Variants in SCAF11 observed in about 807,000 individuals in gnomAD.
The protein encoded by SCAF11 is SR-related CTD associated factor 11.
Under a neutral mutation model 140.5 loss-of-function variants are expected in SCAF11, and 47 were observed. The ratio of observed to expected loss-of-function variants is 0.33; its 90% CI spans 0.26 to 0.43. The LOEUF (loss-of-function observed/expected upper bound fraction) is 0.43, where lower values mean the gene tolerates loss of function less well. SCAF11 is among the 20% of genes least tolerant of loss of function. The pLI is 1.00. For missense variants in SCAF11, 1,645 were observed against 1,705.1 expected, an observed-to-expected ratio of 0.96 and a Z score of 0.62; for synonymous variants, 557 against 579.4, an observed-to-expected ratio of 0.96 and a Z score of 0.55.
chr12:45,957,866 C>A (rs10506264), intron 3 of SCAF11, among the ~76,000 whole-genome samples: 1 of 151,896 alleles, frequency 6.6e-6, no homozygotes. Flanking sequence ...AATCACTTCT[C>A]GGCAACTGTG....
chr12:45,959,344 C>T (rs1300284447), intron 3 of SCAF11, among the ~76,000 whole-genome samples: 1 of 151,934 alleles, frequency 6.6e-6, no homozygotes, highest in African/African-American at 2.4e-5. Context: ...ATTTTAACGT[C>T]AGGCTATCCC....
At position 45,934,399 on chromosome 12, in the gene SCAF11, C is replaced by G. The variant is rs769735409; in HGVS notation, c.522+48G>C. 7 of 1,474,636 alleles carry G rather than the reference C, an allele frequency of 4.7e-6. No homozygotes were observed. The African/African-American group carries it at 5.7e-5, about 12-fold the overall frequency. The allele number at this position is 1,474,636 out of a possible 1,614,324, so 91.3% of individuals were successfully genotyped here. ...CTGGTTATTTATGGACTAAATAACC[C>G]TAAAGTGTTATCATCTAAGAAAAAG... On this transcript the variant is annotated intron_variant, in intron 7 of 14. Coordinates refer to ENST00000369367, the MANE Select transcript of SCAF11 (RefSeq NM_004719.3).
chr12:45,931,675 A>T (rs1420779446), intron 9 of SCAF11, 63 bp from the exon 10 acceptor site: 5 of 830,268 alleles, frequency 6.0e-6, no homozygotes, highest in Non-Finnish European at 7.3e-6. Flanking sequence ...CCAATTTAAA[A>T]GTATTAATTC....
At chr12:45,978,452 G>T (rs1344608301) in intron 1 of SCAF11, among the ~76,000 whole-genome samples, 1 of 152,160 alleles carries the variant, frequency 6.6e-6, no homozygotes, top group African/African-American at 2.4e-5. Flanking sequence ...ATTTGGAAAA[G>T]TAGAGTTTAC....
At chr12:45,986,978 TCTA>T (rs1946472851) in intron 1 of SCAF11, among the ~76,000 whole-genome samples, 1 of 152,212 alleles carries the variant, frequency 6.6e-6, no homozygotes, top group South Asian at 2.1e-4. Flanking sequence ...AATGCACTGC[TCTA>T]CTCTTAGCTG....
At chr12:45,963,716 T>C (rs966556746) in intron 2 of SCAF11, among the ~76,000 whole-genome samples, 3 of 152,156 alleles carry the variant, frequency 2.0e-5, no homozygotes, top group Admixed American at 6.5e-5. Context: ...TACATTGAGA[T>C]TAGGATGATC....
chr12:45,972,977 TAG>T (rs1565689328), intron 1 of SCAF11, among the ~76,000 whole-genome samples: 14 of 138,744 alleles, frequency 1.0e-4, no homozygotes, highest in East Asian at 7.8e-4. Flanking sequence ...TATAGATATA[TAG>T]ATATATAGAT....
intron 4 of SCAF11, among the ~76,000 whole-genome samples, chr12:45,949,322 A>C (rs1410220607): frequency 1.3e-5 from 2 of 152,184 alleles, no homozygotes; most frequent in East Asian, 3.8e-4. Context: ...AATAGACACA[A>C]GATTTCAAAG....
At chr12:45,924,354 T>C (rs1392786082) in intron 12 of SCAF11, among the ~76,000 whole-genome samples, 1 of 152,132 alleles carries the variant, frequency 6.6e-6, no homozygotes, top group Non-Finnish European at 1.5e-5. Flanking sequence ...CAGTACTTAA[T>C]CACTAGTTCC....
In SCAF11 at chr12:45,928,196, G is replaced by C; in HGVS notation, c.1505C>G (p.Ala502Gly). Residue 502 changes from alanine (A) to glycine (G), a missense_variant, in exon 11 of 15, where the codon GCT (alanine) becomes GGT (glycine). Ala to Gly is a moderately conservative substitution (Grantham distance 60). Transcript: ENST00000369367. ...VKKLENTGIE[A>G]NVLCLESEIS... Reference sequence around the variant, plus strand: ...CTCACTTTCCAAACACAAAACATTAGCCTCTATACCTGTATTCTCGAGTTT... The same window carrying C: ...CTCACTTTCCAAACACAAAACATTACCCTCTATACCTGTATTCTCGAGTTT... 6.2e-7 allele frequency: 1 copy of C among 1,613,866 alleles called. No homozygotes were observed. Among genetic ancestry groups the C allele is most frequent in the East Asian group, 2.2e-5 (1 of 44,862 alleles).
At chr12:45,959,780 C>G (rs1449687550) in intron 3 of SCAF11, among the ~76,000 whole-genome samples, 1 of 152,138 alleles carries the variant, frequency 6.6e-6, no homozygotes, top group East Asian at 1.9e-4. Context: ...ATAGATTGCT[C>G]TCTTGTTACT....
intron 6 of SCAF11, among the ~76,000 whole-genome samples, chr12:45,935,631 C>T (rs1299209687): frequency 6.6e-6 from 1 of 152,186 alleles, no homozygotes; most frequent in South Asian, 2.1e-4. Flanking sequence ...GTTGCATTCA[C>T]TCAACACTTA....
At chr12:45,990,706 T>G, upstream of SCAF11, 1 of 702,812 alleles carries the variant, frequency 1.4e-6, no homozygotes, top group Admixed American at 4.6e-5. Flanking sequence ...TTCTGCTTAC[T>G]CGCTCGCTCT....
At chr12:45,963,114 A>G (rs889316294) in intron 2 of SCAF11, among the ~76,000 whole-genome samples, 1 of 152,232 alleles carries the variant, frequency 6.6e-6, no homozygotes, top group Non-Finnish European at 1.5e-5. Flanking sequence ...TATAAGACAT[A>G]GCCTGTGAAA....
chr12:45,990,752 C>A (rs974501435), upstream of SCAF11: 1 of 228,014 alleles, frequency 4.4e-6, no homozygotes, highest in Non-Finnish European at 7.3e-6. Context: ...CCAGTTGGGC[C>A]GCAGGGGGGC....
intron 6 of SCAF11, among the ~76,000 whole-genome samples, chr12:45,941,829 T>C (rs576735841): frequency 6.6e-6 from 1 of 152,282 alleles, no homozygotes; most frequent in Non-Finnish European, 1.5e-5. Flanking sequence ...ACTCCATGGG[T>C]CTGCTTATTC....
At chr12:45,984,734 G>A (rs1410531751) in intron 1 of SCAF11, among the ~76,000 whole-genome samples, 4 of 136,846 alleles carry the variant, frequency 2.9e-5, no homozygotes, top group East Asian at 2.1e-4. Flanking sequence ...TCACTTTGTC[G>A]CCCAGGCTGG....
At position 45,990,422 on chromosome 12, in the gene SCAF11, G is replaced by A. The variant is rs979610337; in HGVS notation, c.-91C>T. ...TAGGTTCCCAGGTCCCAGTCACTCC[G>A]CTGCCAAGTTCCCCAACATGGACTC... On this transcript the variant is annotated 5_prime_UTR_variant, in exon 1 of 15. Transcript: ENST00000369367. The A allele has an allele frequency of 2.4e-6, 3 of 1,231,940 alleles. No individual in the cohort carries two copies. The highest frequency in any genetic ancestry group is 3.1e-5 in the African/African-American group (2 of 64,382). 76.3% of individuals were successfully genotyped at this position (1,231,940 alleles called of 1,614,324 possible). A position where few individuals can be genotyped will look rare whatever the true frequency, so the allele number is the denominator to read the frequency against.
At chr12:45,969,370 C>T (rs919422683) in intron 1 of SCAF11, among the ~76,000 whole-genome samples, 17 of 152,118 alleles carry the variant, frequency 1.1e-4, no homozygotes, top group African/African-American at 3.9e-4. Flanking sequence ...TTTCTTTCTG[C>T]TGTTACAAAA....
Sources: gnomAD v4.1 joint callset for allele counts (sites outside exome capture counted in the v4.1 genomes callset) on GRCh38, gnomAD v4.1.1 for gene constraint, MANE v1.5 for transcripts, NCBI Gene and HGNC (gene_info 2026-07-23, HGNC 2026-07-21) for gene names.